GPR39: variants seen among roughly 807,000 people sequenced by gnomAD.
GPR39 encodes the protein G protein-coupled receptor 39.
GPR39 carries 23 observed loss-of-function variants against 18.4 expected under a neutral mutation model. The ratio of observed to expected loss-of-function variants is 1.25; its 90% CI spans 0.90 to 1.77. The LOEUF (loss-of-function observed/expected upper bound fraction) is 1.77. GPR39 is among the 40% of genes most tolerant of loss of function. The pLI is 0.00. For missense variants in GPR39, 647 were observed against 602.4 expected (o/e 1.07, Z -0.78); for synonymous variants, 280 against 257.9 (o/e 1.09, Z -0.82).
intron 1 of GPR39, among the ~76,000 whole-genome samples, chr2:132,564,556 C>G (rs1680312279): frequency 6.6e-6 from 1 of 152,122 alleles, no homozygotes; most frequent in Non-Finnish European, 1.5e-5. Context: ...TTTTCTCACC[C>G]CTTCCTCTGC....
At chr2:132,543,302 A>C (rs1679892337) in intron 1 of GPR39, among the ~76,000 whole-genome samples, 1 of 152,130 alleles carries the variant, frequency 6.6e-6, no homozygotes, top group South Asian at 2.1e-4. Flanking sequence ...CCTTAGACTG[A>C]GACACTCCAT....
At position 132,417,702 on chromosome 2, in the gene GPR39, C is replaced by T; in HGVS notation, c.660C>T (p.Phe220=). ...ACCTCTCCAGCCGCTGGACCGTGTT[C>T]CAGTCCAGCATCTTCGGCGCCTTCG... ...CTNLSSRWTV[F]QSSIFGAFVV... The change falls in exon 1 of 2, where the codon TTC becomes TTT. Residue 220 remains phenylalanine (F), a synonymous_variant. Transcript: ENST00000329321. The T allele has an allele frequency of 2.5e-6, 4 of 1,614,204 alleles. No individual in the cohort carries two copies. The highest frequency in any genetic ancestry group is 1.7e-6 in the Non-Finnish European group (2 of 1,180,020).
At chr2:132,461,820 C>A (rs1680837563) in intron 1 of GPR39, among the ~76,000 whole-genome samples, 2 of 152,256 alleles carry the variant, frequency 1.3e-5, no homozygotes, top group South Asian at 4.1e-4. Flanking sequence ...AGCCATTGCC[C>A]CAGTGACAGT....
At chr2:132,431,247 C>T (rs2104758916) in intron 1 of GPR39, among the ~76,000 whole-genome samples, 1 of 152,294 alleles carries the variant, frequency 6.6e-6, no homozygotes, top group African/African-American at 2.4e-5. Context: ...AGATGCAACA[C>T]CTATTTCTAG....
chr2:132,446,933 A>T, intron 1 of GPR39, among the ~76,000 whole-genome samples: 1 of 152,162 alleles, frequency 6.6e-6, no homozygotes, highest in East Asian at 1.9e-4. Context: ...GCCTGAATAT[A>T]TGCCCCATAT....
chr2:132,638,215 T>C (rs1210295936), intron 1 of GPR39, among the ~76,000 whole-genome samples: 3 of 152,104 alleles, frequency 2.0e-5, no homozygotes, highest in Non-Finnish European at 2.9e-5. Flanking sequence ...GACGGTTGTC[T>C]AGGAGTGGAA....
intron 1 of GPR39, chr2:132,489,088 C>G (rs1023095758): frequency 1.4e-5 from 3 of 216,696 alleles, no homozygotes; most frequent in Admixed American, 8.3e-5. Flanking sequence ...TCCTCCTCTC[C>G]TTAGATGACA....
intron 1 of GPR39, among the ~76,000 whole-genome samples, chr2:132,593,913 C>A (rs551132585): frequency 1.3e-5 from 2 of 152,270 alleles, no homozygotes; most frequent in South Asian, 4.2e-4. Context: ...TTTAATCATT[C>A]CTTGCTGGTC....
intron 1 of GPR39, among the ~76,000 whole-genome samples, chr2:132,527,580 C>T (rs1679536360): frequency 6.6e-6 from 1 of 152,228 alleles, no homozygotes; most frequent in South Asian, 2.1e-4. Context: ...ATTCCAATTT[C>T]TCCACAGCAT....
chr2:132,612,669 C>G (rs946721406), intron 1 of GPR39, among the ~76,000 whole-genome samples: 2 of 152,204 alleles, frequency 1.3e-5, no homozygotes, highest in Non-Finnish European at 2.9e-5. Flanking sequence ...AGATATATTT[C>G]TAGATCCTCT....
chr2:132,606,787 G>A (rs1052629624), intron 1 of GPR39, among the ~76,000 whole-genome samples: 1 of 152,224 alleles, frequency 6.6e-6, no homozygotes, highest in African/African-American at 2.4e-5. Context: ...TGGATGGGGA[G>A]CTGGTAGGGG....
Position 132,554,953 on chromosome 2 carries a change from A to AT in GPR39, c.857-90135dup, listed in dbSNP as rs10717046. Among the ~76,000 whole-genome samples the AT allele has an allele frequency of 1.1e-3, 158 of 146,922 alleles. No individual in the cohort carries two copies. In the South Asian group the frequency reaches 0.013, roughly 12 times the overall value. ...GCCACATTCACTTCCACTTTCAACCATTTTTTTTTTTTTCCTGAGATGGAG... is the reference window on the plus strand; with the variant it reads ...GCCACATTCACTTCCACTTTCAACCATTTTTTTTTTTTTTCCTGAGATGGAG... On this transcript the variant is annotated intron_variant, in intron 1 of 1. Transcript: ENST00000329321.
intron 1 of GPR39, among the ~76,000 whole-genome samples, chr2:132,521,980 G>T (rs1415190498): frequency 6.6e-6 from 1 of 152,142 alleles, no homozygotes; most frequent in Non-Finnish European, 1.5e-5. Flanking sequence ...TTTGAGTTGG[G>T]AGTATTTATG....
intron 1 of GPR39, among the ~76,000 whole-genome samples, chr2:132,581,448 T>C (rs1202325825): frequency 6.6e-6 from 1 of 152,120 alleles, no homozygotes; most frequent in African/African-American, 2.4e-5. Flanking sequence ...CAGATGCTTT[T>C]AAATATTATT....
At chr2:132,468,641 T>G (rs2104781483) in intron 1 of GPR39, among the ~76,000 whole-genome samples, 1 of 151,870 alleles carries the variant, frequency 6.6e-6, no homozygotes, top group East Asian at 1.9e-4. Flanking sequence ...GCCCAAAGGG[T>G]TTTAAACAGA....
intron 1 of GPR39, among the ~76,000 whole-genome samples, chr2:132,620,361 C>T (rs1332820996): frequency 1.3e-5 from 2 of 152,150 alleles, no homozygotes; most frequent in African/African-American, 4.8e-5. Context: ...CTCGCAATAT[C>T]TTCTGGCCTG....
Position 132,646,255 on chromosome 2 carries a change from T to G in GPR39, c.*649T>G. 1 of 1,566,810 alleles carries G rather than the reference T, an allele frequency of 6.4e-7. No homozygotes were observed. The highest frequency in any genetic ancestry group is 8.7e-7 in the Non-Finnish European group (1 of 1,153,426). On this transcript the variant is annotated 3_prime_UTR_variant, in exon 2 of 2. Transcript: ENST00000329321. ...AGGCGATGAGACAGGCCGCTGATGA[T>G]GCACAGGACTTGCGGTACATGATCC... is the stretch of plus-strand genomic sequence containing the variant.
intron 1 of GPR39, among the ~76,000 whole-genome samples, chr2:132,616,687 G>A (rs1016891746): frequency 6.6e-6 from 1 of 152,168 alleles, no homozygotes; most frequent in Admixed American, 6.5e-5. Context: ...TCCTGATCCA[G>A]CATGAGCTCC....
intron 1 of GPR39, among the ~76,000 whole-genome samples, chr2:132,607,931 TA>T (rs1054820739): frequency 3.3e-5 from 5 of 152,188 alleles, no homozygotes; most frequent in East Asian, 3.9e-4. Flanking sequence ...AATGAATAAT[TA>T]TTAAAACCCA....
Sources: gnomAD v4.1 joint callset for allele counts (sites outside exome capture counted in the v4.1 genomes callset) on GRCh38, gnomAD v4.1.1 for gene constraint, MANE v1.5 for transcripts, NCBI Gene and HGNC (gene_info 2026-07-23, HGNC 2026-07-21) for gene names.